PPP3CA: variants seen among roughly 807,000 people sequenced by gnomAD.
PPP3CA encodes the protein CAM-PRP catalytic subunit.
Under a neutral mutation model 66.5 loss-of-function variants are expected in PPP3CA, and 14 were observed. That is an observed-to-expected ratio of 0.21 (90% CI 0.14 to 0.33). PPP3CA has a LOEUF of 0.33. PPP3CA is among the 10% of genes least tolerant of loss of function. The pLI, the probability that PPP3CA is intolerant of heterozygous loss-of-function variation, is 1.00. For missense variants in PPP3CA, 317 were observed against 639.5 expected (o/e 0.50, Z 5.44); for synonymous variants, 232 against 226.2 (o/e 1.03, Z -0.23).
At chr4:101,170,455 C>G (rs770499739) in intron 2 of PPP3CA, among the ~76,000 whole-genome samples, 5 of 151,188 alleles carry the variant, frequency 3.3e-5, no homozygotes, top group Non-Finnish European at 7.4e-5. Flanking sequence ...ATTTAAAAAG[C>G]AAAAGCAATA....
At chr4:101,101,693 A>G (rs543713468) in intron 3 of PPP3CA, among the ~76,000 whole-genome samples, 1 of 152,132 alleles carries the variant, frequency 6.6e-6, no homozygotes, top group Non-Finnish European at 1.5e-5. Flanking sequence ...AACTCAAATC[A>G]CAGATTAATT....
chr4:101,341,194 CT>C (rs1287494236), intron 1 of PPP3CA, among the ~76,000 whole-genome samples: 3 of 106,756 alleles, frequency 2.8e-5, no homozygotes, highest in Admixed American at 1.2e-4. Context: ...TGGCCATTTT[CT>C]TTTTTTCTTT....
At chr4:101,154,655 T>C (rs1471765018) in intron 2 of PPP3CA, among the ~76,000 whole-genome samples, 3 of 152,126 alleles carry the variant, frequency 2.0e-5, no homozygotes, top group African/African-American at 2.4e-5. Context: ...ATGACTCTAA[T>C]TATGATTGAG....
At chr4:101,269,246 G>T (rs556434182) in intron 1 of PPP3CA, among the ~76,000 whole-genome samples, 1 of 152,008 alleles carries the variant, frequency 6.6e-6, no homozygotes. Context: ...CCTTATGGAA[G>T]AATCATCTTT....
chr4:101,151,891 C>T (rs1723154583), intron 2 of PPP3CA, among the ~76,000 whole-genome samples: 1 of 151,990 alleles, frequency 6.6e-6, no homozygotes, highest in Non-Finnish European at 1.5e-5. Flanking sequence ...CTCCTGACCT[C>T]ATGATTTGCC....
intron 1 of PPP3CA, among the ~76,000 whole-genome samples, chr4:101,208,512 T>G (rs1725207760): frequency 6.6e-6 from 1 of 152,176 alleles, no homozygotes; most frequent in South Asian, 2.1e-4. Context: ...TGTGCATATA[T>G]TCAGTTCTAT....
chr4:101,162,185 A>T (rs1446425067), intron 2 of PPP3CA, among the ~76,000 whole-genome samples: 1 of 152,016 alleles, frequency 6.6e-6, no homozygotes, highest in East Asian at 1.9e-4. Context: ...GGTTGTGGTG[A>T]GCCAAGATGG....
At chr4:101,269,243 G>A (rs961150507) in intron 1 of PPP3CA, among the ~76,000 whole-genome samples, 5 of 151,926 alleles carry the variant, frequency 3.3e-5, no homozygotes, top group African/African-American at 1.2e-4. Context: ...TACCCTTATG[G>A]AAGAATCATC....
At chr4:101,171,815 A>G (rs938049342) in intron 2 of PPP3CA, among the ~76,000 whole-genome samples, 4 of 152,198 alleles carry the variant, frequency 2.6e-5, no homozygotes, top group Non-Finnish European at 5.9e-5. Context: ...AAATATATGC[A>G]ATTGTGTAAT....
At chr4:101,156,096 T>C (rs1723310677) in intron 2 of PPP3CA, among the ~76,000 whole-genome samples, 1 of 152,222 alleles carries the variant, frequency 6.6e-6, no homozygotes, top group Non-Finnish European at 1.5e-5. Flanking sequence ...ACCTGCTCTA[T>C]GATTCAATTA....
intron 2 of PPP3CA, among the ~76,000 whole-genome samples, chr4:101,129,169 T>C (rs1444742271): frequency 6.6e-6 from 1 of 152,060 alleles, no homozygotes; most frequent in African/African-American, 2.4e-5. Flanking sequence ...AGCTCAGCAA[T>C]GACGATGTAG....
At chr4:101,346,083 C>A (rs1264920610) in intron 1 of PPP3CA, among the ~76,000 whole-genome samples, 1 of 151,970 alleles carries the variant, frequency 6.6e-6, no homozygotes, top group Non-Finnish European at 1.5e-5. Flanking sequence ...CGCGGCCACC[C>A]TCCAGCCAGC....
chr4:101,297,521 T>A (rs1167166246), intron 1 of PPP3CA, among the ~76,000 whole-genome samples: 2 of 152,134 alleles, frequency 1.3e-5, no homozygotes, highest in African/African-American at 4.8e-5. Flanking sequence ...AACATATAGT[T>A]TGACCATGCA....
At chr4:101,221,731 C>A (rs1010343351) in intron 1 of PPP3CA, among the ~76,000 whole-genome samples, 1 of 151,574 alleles carries the variant, frequency 6.6e-6, no homozygotes, top group Non-Finnish European at 1.5e-5. Flanking sequence ...TTAAGGATGA[C>A]TGCATATATA....
chr4:101,090,181 G>A (rs1422601804), intron 6 of PPP3CA, among the ~76,000 whole-genome samples: 2 of 152,064 alleles, frequency 1.3e-5, no homozygotes, highest in East Asian at 1.9e-4. Context: ...AAGACAAAAG[G>A]ACCAAAAAGC....
intron 12 of PPP3CA, among the ~76,000 whole-genome samples, chr4:101,030,798 A>C (rs1373322493): frequency 6.6e-6 from 1 of 152,168 alleles, no homozygotes; most frequent in Non-Finnish European, 1.5e-5. Context: ...ATGTGTTCTA[A>C]AGCCCACAGT....
intron 3 of PPP3CA, among the ~76,000 whole-genome samples, chr4:101,105,230 G>C (rs745995543): frequency 2.0e-5 from 3 of 148,488 alleles, no homozygotes; most frequent in Non-Finnish European, 4.4e-5. Context: ...GCAGTGGCAT[G>C]ATCTCGGCTC....
chr4:101,085,031 G>GA (rs891935477), intron 6 of PPP3CA, among the ~76,000 whole-genome samples: 3 of 151,214 alleles, frequency 2.0e-5, no homozygotes, highest in South Asian at 2.1e-4. Flanking sequence ...GTGTGTCAGA[G>GA]AAAAAAAACA....
rs1346813717 is a variant in PPP3CA at position 101,061,165 on chromosome 4, A to C, written c.1082-4T>G. 6.2e-7 allele frequency: 1 copy of C among 1,610,714 alleles called. No homozygotes were observed. The highest frequency in any genetic ancestry group is 8.5e-7 in the Non-Finnish European group (1 of 1,177,364). ...ACATTTACCAGCATCTCAGTCACTA[A>C]AGAGAGAAAGCAAAGAAAGAAAAGT... On this transcript the variant is annotated splice_polypyrimidine_tract_variant and splice_region_variant and intron_variant, in intron 9 of 13. Transcript: ENST00000394854.
Sources: allele counts gnomAD v4.1 joint callset (sites outside exome capture counted in the v4.1 genomes callset), GRCh38; gene constraint gnomAD v4.1.1; transcripts MANE v1.5; gene names NCBI Gene and HGNC (gene_info 2026-07-23, HGNC 2026-07-21).